NFASC: variants seen among roughly 807,000 people sequenced by gnomAD.
NFASC encodes the protein neurofascin.
NFASC carries 43 observed loss-of-function variants against 147.5 expected under a neutral mutation model. The ratio of observed to expected loss-of-function variants is 0.29; its 90% CI spans 0.23 to 0.38. NFASC has a LOEUF of 0.38. NFASC is among the 10% of genes least tolerant of loss of function. The pLI, the probability that NFASC is intolerant of heterozygous loss-of-function variation, is 1.00. For missense variants in NFASC, 1,320 were observed against 1,689.0 expected (o/e 0.78, Z 3.83); for synonymous variants, 622 against 665.5 (o/e 0.93, Z 1.01).
intron 2 of NFASC, among the ~76,000 whole-genome samples, chr1:204,943,308 AGAG>A (rs1407652019): frequency 1.2e-4 from 18 of 152,164 alleles, no homozygotes; most frequent in Non-Finnish European, 1.0e-4. Flanking sequence ...TTCTCTTTCT[AGAG>A]GAGGAGAAGA....
chr1:204,904,256 C>A (rs1292866697), intron 1 of NFASC, among the ~76,000 whole-genome samples: 3 of 152,122 alleles, frequency 2.0e-5, no homozygotes, highest in Non-Finnish European at 4.4e-5. Context: ...TGCAACCAAG[C>A]CCGTCTAATT....
At position 204,932,073 on chromosome 1, in the gene NFASC, A is replaced by AG. The variant is rs534159634; in HGVS notation, c.-91+11334dup. 3.2e-4 allele frequency among the ~76,000 whole-genome samples: 48 copies of AG among 152,198 alleles called. 2 individuals are homozygous for AG. In the South Asian group the frequency reaches 9.5e-3, roughly 30 times the overall value. ...AGAATAAGGGGATACTATAAGGCAG[A>AG]GTGTGGCCTGCAGCTAAGCCCCAGA... On this transcript the variant is annotated intron_variant, in intron 2 of 29. Transcript: ENST00000339876.
At chr1:204,895,384 C>G (rs1227399622) in intron 1 of NFASC, among the ~76,000 whole-genome samples, 1 of 152,220 alleles carries the variant, frequency 6.6e-6, no homozygotes, top group Non-Finnish European at 1.5e-5. Flanking sequence ...TCTTCCTTCT[C>G]TGAACTCCTG....
At chr1:204,959,622 C>G (rs113679397) in intron 8 of NFASC, among the ~76,000 whole-genome samples, 9,789 of 152,252 alleles carry the variant, frequency 0.064, 433 homozygotes, top group Non-Finnish European at 0.1. Context: ...ACCACCAGGG[C>G]CCCTCTCTCC....
rs2096403316 is a variant in NFASC at position 205,021,966 on chromosome 1, G to C, written c.*5427G>C. The stretch of plus-strand genomic sequence containing the variant: ...TAACACATCGGGCCTTCAGTGTGCT[G>C]TATTCCTCAGAAGTGAGGGCATCTC... On this transcript the variant is annotated 3_prime_UTR_variant, in exon 30 of 30. Coordinates refer to ENST00000339876, the MANE Select transcript of NFASC (RefSeq NM_001005388.3). The C allele has an allele frequency of 6.6e-6, 1 of 152,662 alleles. No individual in the cohort carries two copies. Among genetic ancestry groups the C allele is most frequent in the Non-Finnish European group, 1.5e-5 (1 of 68,072 alleles). The allele number at this position is 152,662 out of a possible 1,614,324, so 9.5% of individuals were successfully genotyped here.
At chr1:204,839,197 A>G (rs1042514864) in intron 1 of NFASC, among the ~76,000 whole-genome samples, 3 of 152,186 alleles carry the variant, frequency 2.0e-5, no homozygotes, top group African/African-American at 2.4e-5. Flanking sequence ...CTTTGTTAGC[A>G]TGGAGCAGTG....
At chr1:204,923,429 C>A (rs2090916514) in intron 2 of NFASC, among the ~76,000 whole-genome samples, 1 of 152,172 alleles carries the variant, frequency 6.6e-6, no homozygotes, top group South Asian at 2.1e-4. Context: ...TGTCACCTCC[C>A]ATCACGGGAA....
intron 11 of NFASC, among the ~76,000 whole-genome samples, chr1:204,971,747 C>A (rs1315126113): frequency 6.6e-6 from 1 of 152,214 alleles, no homozygotes; most frequent in Non-Finnish European, 1.5e-5. Context: ...TGCAATACAA[C>A]TGCACCAGCT....
In NFASC at chr1:204,975,296, C is replaced by T. The variant is rs374003117; in HGVS notation, c.1584C>T (p.Pro528=). The change falls in exon 15 of 30, where the codon CCC becomes CCT. Residue 528 remains proline (P), a synonymous_variant. Coordinates refer to ENST00000339876, the MANE Select transcript of NFASC (RefSeq NM_001005388.3). The surrounding 1 kb of genome is among the most constrained non-coding windows in gnomAD (Gnocchi z 4.0). ...VKDPTRIYRM[P]EDQVARRGTT... is the part of the protein sequence containing the mutation. ...ACCCCACCAGGATCTACCGGATGCC[C>T]GAGGACCAGGTGGCCAGAAGGGGCA... is the stretch of plus-strand genomic sequence containing the variant. 125 of 1,613,508 alleles carry T rather than the reference C, an allele frequency of 7.7e-5. No individual in the cohort carries two copies. Among genetic ancestry groups the T allele is most frequent in the Non-Finnish European group, 1.0e-4 (120 of 1,179,640 alleles).
intron 21 of NFASC, among the ~76,000 whole-genome samples, chr1:204,983,546 A>G (rs1301298182): frequency 6.6e-6 from 1 of 152,156 alleles, no homozygotes; most frequent in East Asian, 1.9e-4. Context: ...AGAAGAGTAC[A>G]AGGCTGTCAA....
At chr1:204,858,905 G>A (rs112479809) in intron 1 of NFASC, among the ~76,000 whole-genome samples, 2,547 of 151,968 alleles carry the variant, frequency 0.017, 78 homozygotes, top group African/African-American at 0.058. Context: ...GGAAGCACAC[G>A]GGGCACTCCT....
chr1:204,889,883 A>G (rs1387657000), intron 1 of NFASC, among the ~76,000 whole-genome samples: 1 of 152,220 alleles, frequency 6.6e-6, no homozygotes. Context: ...GCAAATTGTA[A>G]CCAGACTCCA....
chr1:204,941,914 G>A (rs909736941), intron 2 of NFASC, among the ~76,000 whole-genome samples: 6 of 152,082 alleles, frequency 3.9e-5, no homozygotes, highest in African/African-American at 1.2e-4. Context: ...GCTCTCCTGC[G>A]CCGCCTGGTG....
At chr1:204,962,040 C>G (rs2150128118) in intron 8 of NFASC, 1 of 1,243,370 alleles carries the variant, frequency 8.0e-7, no homozygotes, top group Non-Finnish European at 1.2e-6. Context: ...TTTGTTTTCT[C>G]TCCCCGTTTA....
chr1:204,893,681 TTGTATTGCGCTGCAC>T (rs2082825041), intron 1 of NFASC, among the ~76,000 whole-genome samples: 1 of 152,220 alleles, frequency 6.6e-6, no homozygotes, highest in Non-Finnish European at 1.5e-5. Flanking sequence ...TGAAGTTGCA[TTGTATTGCGCTGCAC>T]TGTATTGCGC....
In NFASC at chr1:205,009,672, C is replaced by A. The variant is rs147568795; in HGVS notation, c.3405C>A (p.Arg1135=). The A allele has an allele frequency of 1.2e-6, 2 of 1,613,878 alleles. No homozygotes were observed. Among genetic ancestry groups the A allele is most frequent in the South Asian group, 1.1e-5 (1 of 91,080 alleles). Residue 1135 remains arginine (R), a synonymous_variant, in exon 28 of 30, where the codon CGC becomes CGA. Transcript: ENST00000339876. ...TCGTCTGTTTCATCAAGAGGAGTCG[C>A]GGCGGCAAGTACCCAGGTGAGATGT... is the stretch of plus-strand genomic sequence containing the variant. The part of the protein sequence containing the change: ...LLIVCFIKRS[R]GGKYPVREKK...
chr1:204,924,054 A>G (rs2091045525), intron 2 of NFASC, among the ~76,000 whole-genome samples: 2 of 152,248 alleles, frequency 1.3e-5, no homozygotes, highest in African/African-American at 4.8e-5. Context: ...CACTGGAGCT[A>G]AGAGTCTTTG....
chr1:204,960,799 G>C (rs543856568), intron 8 of NFASC, among the ~76,000 whole-genome samples: 140 of 152,276 alleles, frequency 9.2e-4, no homozygotes, highest in African/African-American at 3.2e-3. Flanking sequence ...AGCTCCAGAT[G>C]GACCCAAGCA....
intron 1 of NFASC, among the ~76,000 whole-genome samples, chr1:204,916,572 C>G (rs1381240477): frequency 6.6e-6 from 1 of 152,132 alleles, no homozygotes; most frequent in Non-Finnish European, 1.5e-5. Context: ...TCATTGCTGT[C>G]CCCTGACACT....
Sources: allele counts gnomAD v4.1 joint callset (sites outside exome capture counted in the v4.1 genomes callset), GRCh38; gene constraint gnomAD v4.1.1; non-coding constraint Gnocchi (gnomAD v3.1); transcripts MANE v1.5; gene names NCBI Gene and HGNC (gene_info 2026-07-23, HGNC 2026-07-21).